The following LYZL1 variants were observed in gnomAD, a reference collection of about 807,000 sequenced individuals.
The protein encoded by LYZL1 is lysozyme-like protein 1.
LYZL1 carries 16 observed loss-of-function variants against 17.9 expected under a neutral mutation model. The ratio of observed to expected loss-of-function variants is 0.90; its 90% CI spans 0.61 to 1.36. The LOEUF (loss-of-function observed/expected upper bound fraction) is 1.36, where lower values mean the gene tolerates loss of function less well. Among genes scored for constraint, LYZL1 ranks in the 40% most tolerant of loss-of-function variants. The pLI is 0.00. For synonymous variants in LYZL1, 58 were observed against 71.8 expected, an observed-to-expected ratio of 0.81 and a Z score of 0.97; for missense variants, 149 against 188.4, an observed-to-expected ratio of 0.79 and a Z score of 1.22.
chr10:29,316,617 T>G (rs565443149), intron 3 of LYZL1, among the ~76,000 whole-genome samples: 2 of 152,300 alleles, frequency 1.3e-5, no homozygotes, highest in Admixed American at 1.3e-4. Flanking sequence ...AGAAAATAAT[T>G]TCCAAAACTG....
intron 1 of LYZL1, among the ~76,000 whole-genome samples, chr10:29,291,226 G>T (rs982219817): frequency 2.6e-5 from 4 of 152,134 alleles, no homozygotes; most frequent in African/African-American, 9.7e-5. Flanking sequence ...CTTCTGTACT[G>T]GATTCTTACA....
At chr10:29,316,138 C>T (rs1424415899), downstream of LYZL1, among the ~76,000 whole-genome samples, 1 of 152,198 alleles carries the variant, frequency 6.6e-6, no homozygotes, top group Non-Finnish European at 1.5e-5. Flanking sequence ...CTGGGAGGAA[C>T]TGTGGGCACA....
chr10:29,296,909 C>T (rs1034800038), intron 3 of LYZL1, among the ~76,000 whole-genome samples: 1 of 151,990 alleles, frequency 6.6e-6, no homozygotes, highest in Non-Finnish European at 1.5e-5. Flanking sequence ...GCTCACCAGA[C>T]TTCAGAGGAG....
At chr10:29,291,022 G>A (rs1835356675) in intron 1 of LYZL1, among the ~76,000 whole-genome samples, 2 of 152,148 alleles carry the variant, frequency 1.3e-5, no homozygotes, top group South Asian at 2.1e-4. Context: ...GGCTGAAATG[G>A]GCTGTCTGTT....
At chr10:29,308,402 G>A (rs1023281110) in intron 3 of LYZL1, among the ~76,000 whole-genome samples, 1 of 152,224 alleles carries the variant, frequency 6.6e-6, no homozygotes, top group Non-Finnish European at 1.5e-5. Context: ...GGACATCTCC[G>A]TCTGCCCATC....
At chr10:29,317,503 C>T (rs1170984882) in intron 4 of LYZL1, 1 of 152,156 alleles carries the variant, frequency 6.6e-6, no homozygotes, top group Admixed American at 6.5e-5. Flanking sequence ...CTAAACATGC[C>T]ATTACCTTAG....
At chr10:29,303,384 A>G (rs939473834) in intron 3 of LYZL1, among the ~76,000 whole-genome samples, 1 of 152,074 alleles carries the variant, frequency 6.6e-6, no homozygotes, top group African/African-American at 2.4e-5. Context: ...TCTCTCAAAG[A>G]TCATGATCCT....
At chr10:29,294,280 G>A (rs922566308) in intron 3 of LYZL1, among the ~76,000 whole-genome samples, 2 of 152,190 alleles carry the variant, frequency 1.3e-5, no homozygotes, top group Admixed American at 1.3e-4. Context: ...ATTTCTGCCT[G>A]CAAGAGGAAA....
In LYZL1 at chr10:29,289,537, G is replaced by A. The variant is rs375510924; in HGVS notation, c.-26+307G>A. On this transcript the variant is annotated intron_variant, in intron 1 of 4. Transcript: ENST00000649382. ...AGCCTCAAGTGATCCTCCCACCTCAGCCTCCCCAGTAGCTGGGACCACAGG... is the reference window on the plus strand; with the variant it reads ...AGCCTCAAGTGATCCTCCCACCTCAACCTCCCCAGTAGCTGGGACCACAGG... 5.3e-5 allele frequency among the ~76,000 whole-genome samples: 8 copies of A among 149,630 alleles called. No individual in the cohort carries two copies. In the East Asian group the frequency reaches 5.9e-4, roughly 11 times the overall value.
In LYZL1 at chr10:29,289,211, A is replaced by G. The variant is rs753249615; in HGVS notation, c.-45A>G. On this transcript the variant is annotated 5_prime_UTR_variant, in exon 1 of 5. Coordinates refer to ENST00000649382, the MANE Select transcript of LYZL1 (RefSeq NM_032517.6). ...TGAGAAGTCAGCCTCTGGGGCAGGC[A>G]CCAGGAATCTGCCTTTTCAGTAAGA... 5.0e-6 allele frequency: 8 copies of G among 1,590,094 alleles called. No homozygotes were observed. The Admixed American group carries it at 1.2e-4, about 24-fold the overall frequency.
intron 1 of LYZL1, among the ~76,000 whole-genome samples, chr10:29,289,964 T>G (rs953690496): frequency 2.6e-5 from 4 of 152,338 alleles, no homozygotes; most frequent in African/African-American, 7.2e-5. Context: ...CGGGCCTGGT[T>G]TGCCCACGCT....
downstream of LYZL1, among the ~76,000 whole-genome samples, chr10:29,311,907 C>T (rs34355314): frequency 2.3e-3 from 343 of 151,936 alleles, 4 homozygotes; most frequent in Non-Finnish European, 4.4e-3. Flanking sequence ...TACAGTGAGC[C>T]GAGATCATGC....
chr10:29,312,669 A>C (rs1290664919), downstream of LYZL1, among the ~76,000 whole-genome samples: 2 of 152,004 alleles, frequency 1.3e-5, no homozygotes, highest in African/African-American at 4.8e-5. Context: ...TCAGACCCCA[A>C]AGCGATATTC....
chr10:29,311,360 T>A, downstream of LYZL1: 2 of 673,466 alleles, frequency 3.0e-6, no homozygotes, highest in Non-Finnish European at 4.2e-6. Flanking sequence ...TCTGTGGCCC[T>A]GAAACTGCTG....
At chr10:29,308,426 C>T (rs1347885825) in intron 3 of LYZL1, among the ~76,000 whole-genome samples, 1 of 152,208 alleles carries the variant, frequency 6.6e-6, no homozygotes, top group African/African-American at 2.4e-5. Flanking sequence ...CTTCCTCCAC[C>T]CCATTCCTTT....
chr10:29,309,320 T>G (rs1169809547), intron 3 of LYZL1, among the ~76,000 whole-genome samples: 1 of 151,896 alleles, frequency 6.6e-6, no homozygotes, highest in East Asian at 1.9e-4. Context: ...CAGAATGAGA[T>G]TCTGTCTCAC....
intron 3 of LYZL1, among the ~76,000 whole-genome samples, chr10:29,305,439 GGGT>G (rs1181318318): frequency 1.8e-4 from 27 of 152,304 alleles, no homozygotes; most frequent in African/African-American, 6.0e-4. Context: ...CTCATTAACT[GGGT>G]GTGTGACCTT....
Position 29,292,581 on chromosome 10 carries a change from G to A in LYZL1, c.202G>A (p.Gly68Ser), listed in dbSNP as rs1478095604. The change falls in exon 3 of 5, where the codon GGC becomes AGC. Residue 68 changes from glycine to serine, a missense_variant. Physicochemically the swap from Gly to Ser is moderately conservative, Grantham distance 56. This residue lies in a region of LYZL1 where 130 missense variants were observed against 132.5 expected (regional missense o/e 0.98). Coordinates refer to ENST00000649382, the MANE Select transcript of LYZL1 (RefSeq NM_032517.6). The part of the protein sequence containing the change: ...NTTAQTVLDD[G>S]SIDYGIFQIN... Reference sequence around the variant, plus strand: ...CACAGCCCAGACGGTCCTGGATGACGGCAGCATCGACTATGGCATCTTCCA... The same window carrying A: ...CACAGCCCAGACGGTCCTGGATGACAGCAGCATCGACTATGGCATCTTCCA... 10 of 1,614,134 alleles carry A rather than the reference G, an allele frequency of 6.2e-6. No individual in the cohort carries two copies. Among genetic ancestry groups the A allele is most frequent in the Non-Finnish European group, 2.5e-6 (3 of 1,180,054 alleles).
At chr10:29,306,272 C>T (rs190247633) in intron 3 of LYZL1, among the ~76,000 whole-genome samples, 9 of 137,570 alleles carry the variant, frequency 6.5e-5, no homozygotes, top group African/African-American at 1.9e-4. Flanking sequence ...GGAACTTGGC[C>T]GGGCGCGGTG....
Sources: allele counts gnomAD v4.1 joint callset (sites outside exome capture counted in the v4.1 genomes callset), GRCh38; gene constraint gnomAD v4.1.1; regional missense constraint gnomAD v4.1.1; transcripts MANE v1.5; gene names NCBI Gene and HGNC (gene_info 2026-07-23, HGNC 2026-07-21).